The following KCNMA1 variants were observed in gnomAD, a reference collection of about 807,000 sequenced individuals.
The protein encoded by KCNMA1 is potassium calcium-activated channel subfamily M alpha 1.
A neutral mutation model predicts 140.0 loss-of-function variants in KCNMA1; 29 were observed. The ratio of observed to expected loss-of-function variants is 0.21; its 90% CI spans 0.15 to 0.28. The LOEUF is 0.28. KCNMA1 is among the 10% of genes least tolerant of loss of function. The probability of loss-of-function intolerance (pLI) is 1.00; values close to 1 mark genes in which losing one functional copy is unlikely to be tolerated. For missense variants in KCNMA1, 880 were observed against 1,602.2 expected, an observed-to-expected ratio of 0.55 and a Z score of 7.70; for synonymous variants, 612 against 611.9, an observed-to-expected ratio of 1.00 and a Z score of 0.00.
chr10:77,450,755 AT>A (rs2097634474), intron 1 of KCNMA1, among the ~76,000 whole-genome samples: 1 of 152,254 alleles, frequency 6.6e-6, no homozygotes, highest in African/African-American at 2.4e-5. Context: ...CATGAGACTC[AT>A]TCCAGGAGGT....
At chr10:77,237,158 C>A (rs2154217783) in intron 3 of KCNMA1, among the ~76,000 whole-genome samples, 1 of 152,340 alleles carries the variant, frequency 6.6e-6, no homozygotes. Context: ...TCAAAAAGAA[C>A]AATACCAATA....
At position 77,173,679 on chromosome 10, in the gene KCNMA1, C is replaced by T. The variant is rs906774070; in HGVS notation, c.808+9742G>A. Among the ~76,000 whole-genome samples, 29 of 152,088 alleles carry T rather than the reference C, an allele frequency of 1.9e-4. 1 individual carries two copies. Among genetic ancestry groups the T allele is most frequent in the Non-Finnish European group, 1.5e-5 (1 of 68,008 alleles). Reference sequence around the variant, plus strand: ...CATACTTTTTCTTTTCTTTATTTCACTATTCTTATTCTAAAGAAACCCACA... The same window carrying T: ...CATACTTTTTCTTTTCTTTATTTCATTATTCTTATTCTAAAGAAACCCACA... On this transcript the variant is annotated intron_variant, in intron 5 of 27. Transcript: ENST00000286628.
intron 1 of KCNMA1, among the ~76,000 whole-genome samples, chr10:77,580,829 A>G (rs1337483080): frequency 6.6e-6 from 1 of 152,112 alleles, no homozygotes; most frequent in African/African-American, 2.4e-5. Flanking sequence ...TGAATTTCTG[A>G]CCCTGCACTC....
intron 1 of KCNMA1, among the ~76,000 whole-genome samples, chr10:77,507,573 C>G (rs1332600151): frequency 1.3e-5 from 2 of 152,228 alleles, no homozygotes; most frequent in Non-Finnish European, 2.9e-5. Context: ...GAGTGCCAAT[C>G]AGCCCTGTCC....
chr10:76,985,739 T>G (rs1357121780), intron 19 of KCNMA1, among the ~76,000 whole-genome samples: 1 of 152,094 alleles, frequency 6.6e-6, no homozygotes, highest in African/African-American at 2.4e-5. Context: ...AAGGAAACTG[T>G]GAAATAAATT....
chr10:77,311,619 A>G (rs548260792), intron 2 of KCNMA1, among the ~76,000 whole-genome samples: 1 of 152,282 alleles, frequency 6.6e-6, no homozygotes, highest in African/African-American at 2.4e-5. Context: ...AGATCAAGAG[A>G]TTGAGAGAGA....
intron 1 of KCNMA1, among the ~76,000 whole-genome samples, chr10:77,506,620 TTAGA>T (rs1368893083): frequency 1.1e-4 from 11 of 104,186 alleles, no homozygotes; most frequent in African/African-American, 3.6e-4. Context: ...TGTGTGTGTG[TTAGA>T]GAGGGAGAGA....
intron 2 of KCNMA1, among the ~76,000 whole-genome samples, chr10:77,301,064 A>G (rs1473034365): frequency 1.3e-5 from 2 of 152,122 alleles, no homozygotes; most frequent in Non-Finnish European, 2.9e-5. Flanking sequence ...GATGCCTGAA[A>G]TCCCCTCAAT....
intron 1 of KCNMA1, among the ~76,000 whole-genome samples, chr10:77,542,280 C>T (rs926908124): frequency 6.6e-6 from 1 of 152,118 alleles, no homozygotes. Context: ...CCAAATGGAC[C>T]AAGACAAAAG....
chr10:77,572,810 A>G (rs1459787815), intron 1 of KCNMA1, among the ~76,000 whole-genome samples: 1 of 150,214 alleles, frequency 6.7e-6, no homozygotes, highest in East Asian at 1.9e-4. Flanking sequence ...CTCCAGCTCT[A>G]TGATTCCTCA....
At chr10:77,049,839 A>ACTT (rs2095289224) in intron 14 of KCNMA1, among the ~76,000 whole-genome samples, 1 of 152,198 alleles carries the variant, frequency 6.6e-6, no homozygotes. Flanking sequence ...TCATTTTTAC[A>ACTT]CTTCCCAAAA....
chr10:76,874,609 C>T (rs2032020824), downstream of KCNMA1: 1 of 152,156 alleles, frequency 6.6e-6, no homozygotes, highest in Non-Finnish European at 1.5e-5. Context: ...ATTTCTTATG[C>T]TTTTTCACTT....
intron 17 of KCNMA1, among the ~76,000 whole-genome samples, chr10:77,015,086 C>G (rs538959391): frequency 6.6e-6 from 1 of 152,138 alleles, no homozygotes; most frequent in Non-Finnish European, 1.5e-5. Context: ...TCCAGCTCAC[C>G]GTACCCCTCC....
At chr10:77,335,742 C>A (rs2088677317) in intron 2 of KCNMA1, among the ~76,000 whole-genome samples, 1 of 152,164 alleles carries the variant, frequency 6.6e-6, no homozygotes, top group Admixed American at 6.5e-5. Flanking sequence ...CCCTGTGTGA[C>A]AGGTACCACT....
At chr10:77,092,804 T>C (rs1251065695) in intron 9 of KCNMA1, among the ~76,000 whole-genome samples, 1 of 152,200 alleles carries the variant, frequency 6.6e-6, no homozygotes, top group East Asian at 1.9e-4. Flanking sequence ...CTACCCAGCA[T>C]GCAAAGAACT....
intron 5 of KCNMA1, among the ~76,000 whole-genome samples, chr10:77,174,014 C>G (rs1464193243): frequency 6.6e-6 from 1 of 152,188 alleles, no homozygotes; most frequent in African/African-American, 2.4e-5. Flanking sequence ...CCCCTCTCCC[C>G]TTGCTACTTA....
chr10:77,125,615 T>A (rs2097714865), intron 5 of KCNMA1, among the ~76,000 whole-genome samples: 1 of 152,204 alleles, frequency 6.6e-6, no homozygotes, highest in Non-Finnish European at 1.5e-5. Context: ...CTGCTTCACT[T>A]TTCTCCTCAG....
At chr10:77,382,529 C>G (rs1029636106) in intron 2 of KCNMA1, among the ~76,000 whole-genome samples, 5 of 152,098 alleles carry the variant, frequency 3.3e-5, no homozygotes, top group Non-Finnish European at 2.9e-5. Flanking sequence ...TTCTTTGACA[C>G]TTATTTTATT....
intron 1 of KCNMA1, among the ~76,000 whole-genome samples, chr10:77,629,856 A>T (rs1018238765): frequency 6.6e-6 from 1 of 152,212 alleles, no homozygotes; most frequent in Non-Finnish European, 1.5e-5. Context: ...GCAGGCCGCC[A>T]CGATGCTAGG....
Sources: gnomAD v4.1 joint callset for allele counts (sites outside exome capture counted in the v4.1 genomes callset) on GRCh38, gnomAD v4.1.1 for gene constraint, MANE v1.5 for transcripts, NCBI Gene and HGNC (gene_info 2026-07-23, HGNC 2026-07-21) for gene names.